The following PTPRN2 variants were observed in gnomAD, a reference collection of about 807,000 sequenced individuals.
PTPRN2 encodes receptor-type tyrosine-protein phosphatase N2.
A neutral mutation model predicts 118.8 loss-of-function variants in PTPRN2; 74 were observed. The observed-to-expected ratio is 0.62, with a 90% CI of 0.52 to 0.76. The LOEUF (loss-of-function observed/expected upper bound fraction) is 0.76. Ranked by LOEUF, PTPRN2 falls within the 30% of genes least tolerant of loss-of-function variation. The pLI is 0.00. For synonymous variants in PTPRN2, 641 were observed against 608.0 expected, an observed-to-expected ratio of 1.05 and a Z score of -0.80; for missense variants, 1,481 against 1,394.4, an observed-to-expected ratio of 1.06 and a Z score of -0.99.
At chr7:157,693,899 C>T (rs1436279912) in intron 12 of PTPRN2, among the ~76,000 whole-genome samples, 1 of 152,226 alleles carries the variant, frequency 6.6e-6, no homozygotes, top group Admixed American at 6.5e-5. Flanking sequence ...CGTGTCCAGC[C>T]CCTCAGTCTC....
At chr7:158,315,896 CCAGT>C in intron 3 of PTPRN2, among the ~76,000 whole-genome samples, 1 of 152,340 alleles carries the variant, frequency 6.6e-6, no homozygotes, top group South Asian at 2.1e-4. Flanking sequence ...TCTGTGGACA[CCAGT>C]CAGCCTCTTT....
intron 11 of PTPRN2, 22 bp downstream of exon 11, chr7:158,081,276 G>C: frequency 6.3e-7 from 1 of 1,599,782 alleles, no homozygotes; most frequent in Non-Finnish European, 8.6e-7. Flanking sequence ...GTGCGTGTAC[G>C]TGTGTGTGGA....
chr7:158,397,075 C>A (rs1274628268), intron 2 of PTPRN2, among the ~76,000 whole-genome samples: 1 of 152,226 alleles, frequency 6.6e-6, no homozygotes, highest in African/African-American at 2.4e-5. Context: ...TTAATTTGCT[C>A]TTTTAATTAT....
At chr7:158,207,210 G>A (rs997230601) in intron 3 of PTPRN2, among the ~76,000 whole-genome samples, 1 of 141,302 alleles carries the variant, frequency 7.1e-6, no homozygotes. Context: ...GTCTATCATT[G>A]TTGGACATTT....
chr7:158,447,375 G>T (rs1311873021), intron 2 of PTPRN2, among the ~76,000 whole-genome samples: 2 of 151,822 alleles, frequency 1.3e-5, no homozygotes, highest in Non-Finnish European at 2.9e-5. Flanking sequence ...GAATTCTTTG[G>T]CACCAAAAAA....
chr7:157,678,995 C>T (rs2150800539), intron 13 of PTPRN2, among the ~76,000 whole-genome samples: 1 of 152,078 alleles, frequency 6.6e-6, no homozygotes, highest in Non-Finnish European at 1.5e-5. Context: ...AGAAATAGGA[C>T]ACCTACATGA....
At chr7:157,856,504 C>T (rs977053449) in intron 12 of PTPRN2, among the ~76,000 whole-genome samples, 2 of 152,248 alleles carry the variant, frequency 1.3e-5, no homozygotes, top group African/African-American at 2.4e-5. Context: ...CTTCAACCCT[C>T]TTACATGAGT....
At chr7:157,994,576 C>T (rs1305454518) in intron 11 of PTPRN2, among the ~76,000 whole-genome samples, 5 of 118,878 alleles carry the variant, frequency 4.2e-5, no homozygotes, top group Non-Finnish European at 5.5e-5. Flanking sequence ...CAGCTTACAA[C>T]TCCTTGTTCC....
intron 2 of PTPRN2, among the ~76,000 whole-genome samples, chr7:158,407,189 CCT>C (rs1563254453): frequency 0.017 from 448 of 27,014 alleles, 46 homozygotes; most frequent in Non-Finnish European, 0.025. Context: ...CGTCCTGGGT[CCT>C]GGGTCCTGGG....
At chr7:158,490,518 G>A (rs537474885) in intron 1 of PTPRN2, among the ~76,000 whole-genome samples, 1 of 152,330 alleles carries the variant, frequency 6.6e-6, no homozygotes, top group East Asian at 1.9e-4. Context: ...TTGGCGTTCG[G>A]CTCCACGTCC....
chr7:158,408,267 C>A (rs1176271880), intron 2 of PTPRN2, among the ~76,000 whole-genome samples: 2 of 152,178 alleles, frequency 1.3e-5, no homozygotes, highest in Admixed American at 6.5e-5. Context: ...TTAATAAAAT[C>A]ATGAATAAAT....
intron 12 of PTPRN2, among the ~76,000 whole-genome samples, chr7:157,704,675 C>T (rs1239662914): frequency 6.6e-6 from 1 of 152,212 alleles, no homozygotes; most frequent in South Asian, 2.1e-4. Flanking sequence ...TCAGCACCTC[C>T]TGAGGAAGCC....
Position 158,093,424 on chromosome 7 carries a change from C to CG in PTPRN2, c.1644-12048_1644-12047insC, listed in dbSNP as rs1180579596. Among the ~76,000 whole-genome samples the CG allele has an allele frequency of 6.6e-6, 1 of 152,218 alleles. No homozygotes were observed. Among genetic ancestry groups the CG allele is most frequent in the African/African-American group, 2.4e-5 (1 of 41,454 alleles). On this transcript the variant is annotated intron_variant, in intron 10 of 22. Coordinates refer to ENST00000389418, the MANE Select transcript of PTPRN2 (RefSeq NM_002847.5). This position sits in a 1 kb window ranked among gnomAD's most constrained non-coding sequence, Gnocchi z 4.4. Reference sequence around the variant, plus strand: ...CTGACTCTGTCGCTGGACCGACCCCCACACTGTTTGTGCTTTTACTCCCTG... The same window carrying CG: ...CTGACTCTGTCGCTGGACCGACCCCCGACACTGTTTGTGCTTTTACTCCCTG...
intron 2 of PTPRN2, among the ~76,000 whole-genome samples, chr7:158,406,150 T>C (rs1176442210): frequency 5.4e-5 from 6 of 110,454 alleles, no homozygotes; most frequent in African/African-American, 2.2e-4. Flanking sequence ...GGCCGCACAC[T>C]GAGATCCCGC....
intron 10 of PTPRN2, among the ~76,000 whole-genome samples, chr7:158,086,275 G>C (rs911708606): frequency 1.3e-5 from 2 of 152,026 alleles, no homozygotes; most frequent in Non-Finnish European, 2.9e-5. Context: ...CACAATGATA[G>C]AAACCAGGCC....
chr7:158,245,006 T>G (rs1306153611), intron 3 of PTPRN2, among the ~76,000 whole-genome samples: 1 of 152,210 alleles, frequency 6.6e-6, no homozygotes. Context: ...CTGTGTCATG[T>G]GGACAAGTGA....
At chr7:157,770,763 G>A (rs1802753592) in intron 12 of PTPRN2, among the ~76,000 whole-genome samples, 1 of 152,238 alleles carries the variant, frequency 6.6e-6, no homozygotes, top group Non-Finnish European at 1.5e-5. Context: ...TGAGGCGCCT[G>A]CATTCAGATT....
chr7:158,538,278 T>A (rs1825767917), intron 1 of PTPRN2, among the ~76,000 whole-genome samples: 1 of 152,238 alleles, frequency 6.6e-6, no homozygotes, highest in Non-Finnish European at 1.5e-5. Context: ...GGAAAGTGTT[T>A]CGAGACCTGC....
intron 1 of PTPRN2, among the ~76,000 whole-genome samples, chr7:158,576,967 TG>T (rs1828364861): frequency 8.7e-6 from 1 of 115,196 alleles, no homozygotes; most frequent in Non-Finnish European, 1.7e-5. Flanking sequence ...CTGCGCACCC[TG>T]CCTGATGCCA....
Sources: allele counts gnomAD v4.1 joint callset (sites outside exome capture counted in the v4.1 genomes callset), GRCh38; gene constraint gnomAD v4.1.1; non-coding constraint Gnocchi (gnomAD v3.1); transcripts MANE v1.5; gene names NCBI Gene and HGNC (gene_info 2026-07-23, HGNC 2026-07-21).